Variants in KYAT3 observed in about 807,000 individuals in gnomAD.
The protein encoded by KYAT3 is kynurenine aminotransferase 3.
In KYAT3, 50 loss-of-function variants were observed where a neutral mutation model predicts 59.0. The observed-to-expected ratio is 0.85, with a 90% CI of 0.68 to 1.07. KYAT3 has a LOEUF of 1.07. Among genes scored for constraint, KYAT3 ranks in the 50% least tolerant of loss-of-function variants. The probability of loss-of-function intolerance (pLI) is 0.00; values close to 1 mark genes in which losing one functional copy is unlikely to be tolerated. For missense variants in KYAT3, 497 were observed against 533.3 expected (o/e 0.93, Z 0.67); for synonymous variants, 148 against 177.0 (o/e 0.84, Z 1.30).
chr1:88,979,399 CT>C (rs1224350500), intron 2 of KYAT3: 1 of 152,168 alleles, frequency 6.6e-6, no homozygotes, highest in African/African-American at 2.4e-5. Context: ...TCAAGTATCT[CT>C]TAAAAAGTTG....
At chr1:88,925,533 C>A in the KYAT3 span, among the ~76,000 whole-genome samples, 1 of 152,170 alleles carries the variant, frequency 6.6e-6, no homozygotes, top group Admixed American at 6.5e-5. Context: ...TCCCTGGTGT[C>A]CCTCCTGATT....
intron 2 of KYAT3, chr1:88,983,730 G>A (rs760882646): frequency 1.9e-6 from 3 of 1,613,966 alleles, no homozygotes; most frequent in Non-Finnish European, 2.5e-6. Context: ...TCCACTATTC[G>A]TCCATATTTG....
intron 8 of KYAT3, 89 bp downstream of exon 8, chr1:88,961,078 T>C: frequency 7.4e-7 from 1 of 1,350,410 alleles, no homozygotes; most frequent in African/African-American, 1.4e-5. Context: ...CAAAGACTGT[T>C]TTAGAGTTGG....
intron 13 of KYAT3, among the ~76,000 whole-genome samples, chr1:88,937,208 G>T (rs1675073480): frequency 6.6e-6 from 1 of 152,190 alleles, no homozygotes; most frequent in African/African-American, 2.4e-5. Flanking sequence ...TGGGGTATTG[G>T]AGACCTAGAT....
chr1:88,940,373 C>T (rs1675191384), intron 13 of KYAT3, among the ~76,000 whole-genome samples: 2 of 152,120 alleles, frequency 1.3e-5, no homozygotes, highest in Admixed American at 6.5e-5. Flanking sequence ...CACCTGGCCC[C>T]TCCTCTTTGA....
chr1:88,951,121 CT>C (rs1262573840), intron 10 of KYAT3, among the ~76,000 whole-genome samples: 1 of 152,166 alleles, frequency 6.6e-6, no homozygotes. Flanking sequence ...ATCAGGGAGG[CT>C]TTCAAAGATT....
At chr1:88,926,624 T>G in the KYAT3 span, among the ~76,000 whole-genome samples, 1 of 152,152 alleles carries the variant, frequency 6.6e-6, no homozygotes, top group Admixed American at 6.5e-5. Flanking sequence ...CCCTGACCGA[T>G]AGATGGTTCC....
chr1:88,933,411 G>C (rs944424206), downstream of KYAT3, among the ~76,000 whole-genome samples: 1 of 151,972 alleles, frequency 6.6e-6, no homozygotes, highest in African/African-American at 2.4e-5. Flanking sequence ...GAAAAAATAG[G>C]GGAAGGAGGG....
intron 8 of KYAT3, among the ~76,000 whole-genome samples, 164 bp from the exon 9 acceptor site, chr1:88,955,389 G>A (rs1168266411): frequency 6.6e-6 from 1 of 151,866 alleles, no homozygotes; most frequent in Non-Finnish European, 1.5e-5. Flanking sequence ...TAACTTTAAT[G>A]CAAAACACAG....
chr1:88,973,712 G>T (rs1397662933), intron 2 of KYAT3, among the ~76,000 whole-genome samples: 1 of 152,120 alleles, frequency 6.6e-6, no homozygotes, highest in Non-Finnish European at 1.5e-5. Flanking sequence ...TGAAGTTCTA[G>T]AAATTCACCA....
chr1:88,923,995 G>C, the KYAT3 span, among the ~76,000 whole-genome samples: 2 of 152,218 alleles, frequency 1.3e-5, no homozygotes, highest in Admixed American at 6.5e-5. Context: ...CCCAAAACTG[G>C]TGCCTGGCGG....
At chr1:88,929,472 A>G in the KYAT3 span, among the ~76,000 whole-genome samples, 2 of 152,016 alleles carry the variant, frequency 1.3e-5, no homozygotes, top group Admixed American at 1.3e-4. Context: ...TTCGAACCCA[A>G]CGTCTCAACT....
downstream of KYAT3, among the ~76,000 whole-genome samples, chr1:88,931,104 A>G (rs1421546468): frequency 6.6e-6 from 1 of 152,132 alleles, no homozygotes; most frequent in East Asian, 1.9e-4. Context: ...CAGCTAACCA[A>G]TGGAAATTAC....
At chr1:88,980,424 AT>A (rs879210454) in intron 2 of KYAT3, 15,745 of 144,510 alleles carry the variant, frequency 0.11, 2,550 homozygotes, top group African/African-American at 0.36. Flanking sequence ...TAGATTTTGG[AT>A]TTTTTTTTTT....
At chr1:88,947,831 G>A (rs866675366) in intron 11 of KYAT3, among the ~76,000 whole-genome samples, 1 of 152,224 alleles carries the variant, frequency 6.6e-6, no homozygotes, top group East Asian at 1.9e-4. Context: ...GCTCATGCCT[G>A]TAATCCCAGC....
At chr1:88,955,485 T>C (rs910612175) in intron 8 of KYAT3, among the ~76,000 whole-genome samples, 2 of 151,756 alleles carry the variant, frequency 1.3e-5, no homozygotes, top group African/African-American at 4.8e-5. Flanking sequence ...GGGGCAGGAG[T>C]GTCAGGGGCA....
chr1:88,986,175 C>G (rs1404945576), intron 2 of KYAT3, among the ~76,000 whole-genome samples: 2 of 132,372 alleles, frequency 1.5e-5, no homozygotes, highest in Non-Finnish European at 3.4e-5. Flanking sequence ...GAGTGAGAGA[C>G]TGTATGAAAA....
intron 2 of KYAT3, among the ~76,000 whole-genome samples, chr1:88,977,954 A>C (rs1435031551): frequency 6.6e-6 from 1 of 152,228 alleles, no homozygotes. Context: ...CATATAGCCT[A>C]GGTGTGTAGC....
intron 13 of KYAT3, among the ~76,000 whole-genome samples, chr1:88,941,252 T>C (rs944150766): frequency 7.9e-5 from 12 of 152,224 alleles, no homozygotes; most frequent in African/African-American, 2.9e-4. Context: ...TATATTCTAT[T>C]CTGAGCAAGT....
Sources: allele counts gnomAD v4.1 joint callset (sites outside exome capture counted in the v4.1 genomes callset), GRCh38; gene constraint gnomAD v4.1.1; transcripts MANE v1.5; gene names NCBI Gene and HGNC (gene_info 2026-07-23, HGNC 2026-07-21).